Variants in TIFA observed in about 807,000 individuals in gnomAD.
TIFA encodes the protein TRAF interacting protein with forkhead associated domain, also known as TRAF-interacting protein with FHA domain-containing protein A.
For synonymous variants in TIFA, 75 were observed against 79.2 expected, an observed-to-expected ratio of 0.95 and a Z score of 0.28; for missense variants, 186 against 215.2, an observed-to-expected ratio of 0.86 and a Z score of 0.85.
chr4:112,284,290 AACACACACAC>A (rs10522966), intron 1 of TIFA, among the ~76,000 whole-genome samples: 1 of 149,816 alleles, frequency 6.7e-6, no homozygotes, highest in African/African-American at 2.5e-5. Context: ...CCTGCAACAC[AACACACACAC>A]ACACACACAC....
At chr4:112,278,792 A>G (rs1205394660) in intron 1 of TIFA, among the ~76,000 whole-genome samples, 1 of 152,234 alleles carries the variant, frequency 6.6e-6, no homozygotes, top group South Asian at 2.1e-4. Context: ...AGAAAATATG[A>G]CAGGTGTACT....
chr4:112,285,295 G>A (rs1284775896), intron 1 of TIFA, among the ~76,000 whole-genome samples: 1 of 151,686 alleles, frequency 6.6e-6, no homozygotes, highest in Non-Finnish European at 1.5e-5. Context: ...GGGGGGTCAC[G>A]CACAACTGCT....
chr4:112,284,706 T>C (rs1048689218), intron 1 of TIFA, among the ~76,000 whole-genome samples: 2 of 150,474 alleles, frequency 1.3e-5, no homozygotes, highest in Non-Finnish European at 3.0e-5. Context: ...CCCTAACGAA[T>C]ACCGAACACT....
chr4:112,281,009 CTATAAT>C (rs1361283881), intron 1 of TIFA, among the ~76,000 whole-genome samples: 4 of 152,216 alleles, frequency 2.6e-5, no homozygotes, highest in African/African-American at 9.6e-5. Context: ...TTTGAAGACA[CTATAAT>C]TATGATAATA....
At position 112,277,110 on chromosome 4, in the gene TIFA, T is replaced by C. The variant is rs927313934; in HGVS notation, c.*752A>G. Reference sequence around the variant, plus strand: ...CTAATTAAACTTTGATTTTATTATGTACATGGATACTATTAAAAAGGTGAA... The same window carrying C: ...CTAATTAAACTTTGATTTTATTATGCACATGGATACTATTAAAAAGGTGAA... On this transcript the variant is annotated 3_prime_UTR_variant, in exon 2 of 2. Transcript: ENST00000361717. 1 of 152,172 alleles carries C rather than the reference T, an allele frequency of 6.6e-6. No individual in the cohort carries two copies. The highest frequency in any genetic ancestry group is 1.5e-5 in the Non-Finnish European group (1 of 68,018). 9.4% of individuals were successfully genotyped at this position (152,172 alleles called of 1,614,324 possible).
chr4:112,278,139 T>C lies in TIFA; in HGVS notation c.278A>G (p.Lys93Arg). 6.2e-7 allele frequency: 1 copy of C among 1,614,054 alleles called. No homozygotes were observed. The highest frequency in any genetic ancestry group is 8.5e-7 in the Non-Finnish European group (1 of 1,180,024). Residue 93 changes from lysine to arginine, a missense_variant, in exon 2 of 2, where the codon AAG (lysine) becomes AGG (arginine). Transcript: ENST00000361717. ...LSFEIKNMSK[K>R]TNLIVDSREL... ...TCTGCTGTCCACGATCAGATTGGTC[T>C]TTTTACTCATATTTTTTATTTCAAA...
chr4:112,282,788 C>G (rs945345249), intron 1 of TIFA, among the ~76,000 whole-genome samples: 3 of 152,162 alleles, frequency 2.0e-5, no homozygotes, highest in East Asian at 1.9e-4. Flanking sequence ...ACCAGGGAAG[C>G]GGGGGACCCC....
At position 112,276,790 on chromosome 4, in the gene TIFA, AATTTC is replaced by A. The variant is rs1191101420; in HGVS notation, c.*1067_*1071del. 1 of 152,126 alleles carries A rather than the reference AATTTC, an allele frequency of 6.6e-6. No individual in the cohort carries two copies. The highest frequency in any genetic ancestry group is 1.5e-5 in the Non-Finnish European group (1 of 68,012). The allele number at this position is 152,126 out of a possible 1,614,324, so 9.4% of individuals were successfully genotyped here. A position where few individuals can be genotyped will look rare whatever the true frequency, so the allele number is the denominator to read the frequency against. On this transcript the variant is annotated 3_prime_UTR_variant, in exon 2 of 2. Coordinates refer to ENST00000361717, the MANE Select transcript of TIFA (RefSeq NM_052864.3). ...AAAATACGGACCTCTTACTACAGGA[AATTTC>A]ATTTACCTGGAAAATTGTACAGTGA...
chr4:112,280,143 C>T (rs2110506194), intron 1 of TIFA, among the ~76,000 whole-genome samples: 1 of 152,236 alleles, frequency 6.6e-6, no homozygotes, highest in East Asian at 1.9e-4. Context: ...CTCTCCCTTG[C>T]TGCAGCTACC....
chr4:112,280,037 C>A (rs146183299), intron 1 of TIFA, among the ~76,000 whole-genome samples: 3 of 152,234 alleles, frequency 2.0e-5, no homozygotes, highest in African/African-American at 7.2e-5. Flanking sequence ...ATACCTCATT[C>A]TTTAACAGCT....
intron 1 of TIFA, among the ~76,000 whole-genome samples, chr4:112,280,774 T>C (rs1727216234): frequency 6.6e-6 from 1 of 152,256 alleles, no homozygotes; most frequent in African/African-American, 2.4e-5. Flanking sequence ...TTCTTTTCTA[T>C]TGATTTGAAA....
rs1487968358 is a variant in TIFA at position 112,276,863 on chromosome 4, GTTA to G, written c.*996_*998del. ...TGCTACAATTTAACTTAACTGAATG[GTTA>G]CCTCATCTACTTAACATTCATAGCT... is the stretch of plus-strand genomic sequence containing the variant. On this transcript the variant is annotated 3_prime_UTR_variant, in exon 2 of 2. Coordinates refer to ENST00000361717, the MANE Select transcript of TIFA (RefSeq NM_052864.3). The G allele has an allele frequency of 6.6e-6, 1 of 152,126 alleles. No individual in the cohort carries two copies. The highest frequency in any genetic ancestry group is 2.4e-5 in the African/African-American group (1 of 41,410). The allele number at this position is 152,126 out of a possible 1,614,324, so 9.4% of individuals were successfully genotyped here.
Position 112,277,665 on chromosome 4 carries a change from G to C in TIFA, c.*197C>G. The C allele has an allele frequency of 2.5e-6, 1 of 406,622 alleles. No individual in the cohort carries two copies. 25.2% of individuals were successfully genotyped at this position (406,622 alleles called of 1,614,324 possible). A position where few individuals can be genotyped will look rare whatever the true frequency, so the allele number is the denominator to read the frequency against. On this transcript the variant is annotated 3_prime_UTR_variant, in exon 2 of 2. Transcript: ENST00000361717. Reference sequence around the variant, plus strand: ...ATAAGAGCAGTTAAAATAATTTTGTGTAGATCCAGAATACAACAGGTGACT... The same window carrying C: ...ATAAGAGCAGTTAAAATAATTTTGTCTAGATCCAGAATACAACAGGTGACT...
rs1727313024 is a variant in TIFA, at chr4:112,285,737, A to G, written c.-116T>C. The G allele has an allele frequency of 6.6e-6, 1 of 152,264 alleles. No individual in the cohort carries two copies. Among genetic ancestry groups the G allele is most frequent in the East Asian group, 1.9e-4 (1 of 5,174 alleles). The allele number at this position is 152,264 out of a possible 1,614,324, so 9.4% of individuals were successfully genotyped here. A position where few individuals can be genotyped will look rare whatever the true frequency, so the allele number is the denominator to read the frequency against. ...GACTGGGCGCAGGATGGGGGTGGAC[A>G]CCCGGCCGCTGCTCCTCCGCGCGGG... is the stretch of plus-strand genomic sequence containing the variant. On this transcript the variant is annotated 5_prime_UTR_variant, in exon 1 of 2. Transcript: ENST00000361717.
intron 1 of TIFA, among the ~76,000 whole-genome samples, chr4:112,282,448 T>A (rs763307086): frequency 8.5e-5 from 13 of 152,342 alleles, no homozygotes; most frequent in East Asian, 1.9e-4. Flanking sequence ...TTAATTTTTT[T>A]AATTATTTTC....
At position 112,280,960 on chromosome 4, in the gene TIFA, C is replaced by T. The variant is rs558851634; in HGVS notation, c.-18-2526G>A. Among the ~76,000 whole-genome samples the T allele has an allele frequency of 2.6e-5, 4 of 152,286 alleles. No homozygotes were observed. The South Asian group carries it at 8.3e-4, about 32-fold the overall frequency. Reference sequence around the variant, plus strand: ...AAGCCAAAGTCAGCAAGAATTAACACACAATGGGTAAAACTGGTTAATCCA... The same window carrying T: ...AAGCCAAAGTCAGCAAGAATTAACATACAATGGGTAAAACTGGTTAATCCA... On this transcript the variant is annotated intron_variant, in intron 1 of 1. Coordinates refer to ENST00000361717, the MANE Select transcript of TIFA (RefSeq NM_052864.3).
rs1020024754 is a variant in TIFA, at chr4:112,275,054, C to G, written c.*2808G>C. On this transcript the variant is annotated 3_prime_UTR_variant, in exon 2 of 2. Transcript: ENST00000361717. ...AGGTTTCACATCTTAGCTTCAGTAC[C>G]TTGTATCAAACACCAATATTTTTGT... is the stretch of plus-strand genomic sequence containing the variant. The G allele has an allele frequency of 6.6e-6, 1 of 152,122 alleles. No homozygotes were observed. Among genetic ancestry groups the G allele is most frequent in the African/African-American group, 2.4e-5 (1 of 41,408 alleles). 9.4% of individuals were successfully genotyped at this position (152,122 alleles called of 1,614,324 possible). A position where few individuals can be genotyped will look rare whatever the true frequency, so the allele number is the denominator to read the frequency against.
intron 1 of TIFA, among the ~76,000 whole-genome samples, chr4:112,283,755 T>C (rs934878875): frequency 4.6e-5 from 7 of 152,172 alleles, no homozygotes; most frequent in Non-Finnish European, 8.8e-5. Context: ...GGGCCCAGGA[T>C]AGGAAGGAGA....
At chr4:112,285,159 C>T (rs1165899148) in intron 1 of TIFA, among the ~76,000 whole-genome samples, 1 of 152,032 alleles carries the variant, frequency 6.6e-6, no homozygotes, top group African/African-American at 2.4e-5. Context: ...CTCTCATGAA[C>T]CAGACTGAAG....
Sources: gnomAD v4.1 joint callset for allele counts (sites outside exome capture counted in the v4.1 genomes callset) on GRCh38, gnomAD v4.1.1 for gene constraint, MANE v1.5 for transcripts, NCBI Gene and HGNC (gene_info 2026-07-23, HGNC 2026-07-21) for gene names.